The following SMIM28 variants were observed in gnomAD, a reference collection of about 807,000 sequenced individuals.
SMIM28 encodes small integral membrane protein 28.
rs527584571 is a variant in SMIM28 at position 138,382,414 on chromosome 6, A to G, written c.112-86A>G. 1,693 of 341,172 alleles carry G rather than the reference A, an allele frequency of 5.0e-3. 12 individuals carry two copies. The highest frequency in any genetic ancestry group is 0.019 in the East Asian group (460 of 24,380). The allele number at this position is 341,172 out of a possible 1,614,324, so 21.1% of individuals were successfully genotyped here. On this transcript the variant is annotated intron_variant, in intron 1 of 1. Transcript: ENST00000573100. ...TGTGTCTCAAAAAAAAAAAAAAAAA[A>G]AAAGAAAGAAAGAAAGAAAAAAAAA...
chr6:138,382,615 G>GCAAGTCCCCACCGCCC lies in SMIM28; in HGVS notation c.230_245dup (p.Gly83ValfsTer12). The GCAAGTCCCCACCGCCC allele has an allele frequency of 2.5e-6, 1 of 398,820 alleles. No homozygotes were observed. 24.7% of individuals were successfully genotyped at this position (398,820 alleles called of 1,614,324 possible). On this transcript the variant is annotated frameshift_variant, in exon 2 of 2. Transcript: ENST00000573100. LOFTEE classifies it low-confidence loss of function (END_TRUNC). ...CTGCTGCTGTTCCTGTACCGCCGCTGCAAGTCCCCACCGCCCCAGGGGCAG... is the reference window on the plus strand; with the variant it reads ...CTGCTGCTGTTCCTGTACCGCCGCTGCAAGTCCCCACCGCCCCAAGTCCCCACCGCCCCAGGGGCAG...
chr6:138,382,067 G>C (rs1471015747), intron 1 of SMIM28, among the ~76,000 whole-genome samples: 3 of 152,140 alleles, frequency 2.0e-5, no homozygotes, highest in African/African-American at 7.2e-5. Flanking sequence ...ATGGAAAAAA[G>C]AACGAAAGAT....
intron 1 of SMIM28, among the ~76,000 whole-genome samples, chr6:138,382,267 C>T (rs1302102705): frequency 6.6e-6 from 1 of 151,884 alleles, no homozygotes; most frequent in Non-Finnish European, 1.5e-5. Flanking sequence ...CGTGGTGGCG[C>T]ATGCCTGTAA....
chr6:138,380,416 CAT>C (rs1774298076), intron 1 of SMIM28, among the ~76,000 whole-genome samples: 1 of 152,188 alleles, frequency 6.6e-6, no homozygotes, highest in South Asian at 2.1e-4. Flanking sequence ...AAACCACACA[CAT>C]AGTTATAAAG....
At chr6:138,378,918 T>C (rs75193990) in intron 1 of SMIM28, among the ~76,000 whole-genome samples, 7 of 152,300 alleles carry the variant, frequency 4.6e-5, no homozygotes, top group African/African-American at 1.4e-4. Context: ...CATAAATATA[T>C]ATTGATGTGG....
At chr6:138,379,369 G>A (rs1411424283) in intron 1 of SMIM28, among the ~76,000 whole-genome samples, 1 of 152,132 alleles carries the variant, frequency 6.6e-6, no homozygotes, top group Non-Finnish European at 1.5e-5. Context: ...CTAGTATTGA[G>A]AATACCTTAA....
intron 1 of SMIM28, among the ~76,000 whole-genome samples, chr6:138,381,095 G>A: frequency 6.6e-6 from 1 of 151,858 alleles, no homozygotes; most frequent in Non-Finnish European, 1.5e-5. Flanking sequence ...TAGTAGAGAC[G>A]GGGTTTTACC....
intron 1 of SMIM28, among the ~76,000 whole-genome samples, chr6:138,380,145 C>A (rs1027842635): frequency 2.0e-5 from 3 of 152,000 alleles, no homozygotes; most frequent in Non-Finnish European, 2.9e-5. Context: ...TCATGCTAAC[C>A]CTTGAAAACG....
At chr6:138,381,540 TAGGTTGC>T (rs1314505128) in intron 1 of SMIM28, among the ~76,000 whole-genome samples, 5 of 152,214 alleles carry the variant, frequency 3.3e-5, no homozygotes, top group Non-Finnish European at 4.4e-5. Flanking sequence ...CGATACCTTT[TAGGTTGC>T]CCAAGAATTT....
At position 138,383,246 on chromosome 6, in the gene SMIM28, C is replaced by T. The variant is rs1302049113; in HGVS notation, c.*399C>T. 6.6e-6 allele frequency among the ~76,000 whole-genome samples: 1 copy of T among 151,710 alleles called. No homozygotes were observed. Among genetic ancestry groups the T allele is most frequent in the Non-Finnish European group, 1.5e-5 (1 of 67,996 alleles). ...AAAACTCTGGACCAGCCAAAGGTAACTACTTTTGCCACCAAATAGAACTTT... is the reference window on the plus strand; with the variant it reads ...AAAACTCTGGACCAGCCAAAGGTAATTACTTTTGCCACCAAATAGAACTTT... On this transcript the variant is annotated 3_prime_UTR_variant, in exon 2 of 2. Coordinates refer to ENST00000573100, the MANE Select transcript of SMIM28 (RefSeq NM_001368163.3).
In SMIM28 at chr6:138,383,054, C is replaced by A. The variant is rs1265142052; in HGVS notation, c.*207C>A. On this transcript the variant is annotated 3_prime_UTR_variant, in exon 2 of 2. Coordinates refer to ENST00000573100, the MANE Select transcript of SMIM28 (RefSeq NM_001368163.3). ...GCAAATGCCAATCTGGTTAACCTAT[C>A]TTCACATTCCTTAGGGGAAAGTTTC... The A allele has an allele frequency of 5.3e-6, 2 of 374,214 alleles. No individual in the cohort carries two copies. The highest frequency in any genetic ancestry group is 4.6e-5 in the Admixed American group (1 of 21,946). The allele number at this position is 374,214 out of a possible 1,614,324, so 23.2% of individuals were successfully genotyped here.
rs997642713 is a variant in SMIM28 at position 138,378,162 on chromosome 6, T to G, written c.90T>G (p.Pro30=). ...YEWLTSEPGL[P]LLETQLQGTQ... ...GGTTAACCAGCGAGCCCGGCCTGCC[T>G]CTCCTGGAGACCCAGCTGCAGGTCT... is the stretch of plus-strand genomic sequence containing the variant. The change falls in exon 1 of 2, where the codon CCT becomes CCG. Residue 30 remains proline (P), a synonymous_variant. Transcript: ENST00000573100. The G allele has an allele frequency of 1.2e-4, 48 of 398,534 alleles. No homozygotes were observed. Among genetic ancestry groups the G allele is most frequent in the Non-Finnish European group, 1.9e-4 (44 of 226,106 alleles). 24.7% of individuals were successfully genotyped at this position (398,534 alleles called of 1,614,324 possible).
At chr6:138,378,705 A>G (rs371859218) in intron 1 of SMIM28, among the ~76,000 whole-genome samples, 13 of 152,350 alleles carry the variant, frequency 8.5e-5, no homozygotes, top group East Asian at 7.7e-4. Flanking sequence ...TCACCAGTGC[A>G]GTCTCCGTAG....
rs1236144016 is a variant in SMIM28, at chr6:138,382,988, A to G, written c.*141A>G. 7 of 395,446 alleles carry G rather than the reference A, an allele frequency of 1.8e-5. No homozygotes were observed. The highest frequency in any genetic ancestry group is 3.1e-5 in the Non-Finnish European group (7 of 224,782). 24.5% of individuals were successfully genotyped at this position (395,446 alleles called of 1,614,324 possible). A position where few individuals can be genotyped will look rare whatever the true frequency, so the allele number is the denominator to read the frequency against. On this transcript the variant is annotated 3_prime_UTR_variant, in exon 2 of 2. Coordinates refer to ENST00000573100, the MANE Select transcript of SMIM28 (RefSeq NM_001368163.3). ...CCAAGAAGCTGCTATTCATTGGCCA[A>G]CCTCTGACAATGGGGCACTTCAGGC...
intron 1 of SMIM28, among the ~76,000 whole-genome samples, chr6:138,381,094 C>T (rs1270632637): frequency 4.0e-5 from 6 of 151,848 alleles, no homozygotes; most frequent in Non-Finnish European, 5.9e-5. Context: ...TTAGTAGAGA[C>T]GGGGTTTTAC....
intron 1 of SMIM28, among the ~76,000 whole-genome samples, chr6:138,379,685 C>A (rs59204400): frequency 6.6e-6 from 1 of 151,904 alleles, no homozygotes; most frequent in Non-Finnish European, 1.5e-5. Context: ...AATGTTAAAA[C>A]TTTTTTGGTG....
chr6:138,382,415 A>AC, intron 1 of SMIM28, 85 bp from the exon 2 acceptor site: 1 of 354,642 alleles, frequency 2.8e-6, no homozygotes, highest in African/African-American at 2.6e-5. Flanking sequence ...AAAAAAAAAA[A>AC]AAGAAAGAAA....
At position 138,382,890 on chromosome 6, in the gene SMIM28, T is replaced by C. The variant is rs1267040980; in HGVS notation, c.*43T>C. The C allele has an allele frequency of 2.5e-6, 1 of 398,338 alleles. No homozygotes were observed. Among genetic ancestry groups the C allele is most frequent in the Non-Finnish European group, 4.4e-6 (1 of 226,100 alleles). 24.7% of individuals were successfully genotyped at this position (398,338 alleles called of 1,614,324 possible). A position where few individuals can be genotyped will look rare whatever the true frequency, so the allele number is the denominator to read the frequency against. On this transcript the variant is annotated 3_prime_UTR_variant, in exon 2 of 2. Transcript: ENST00000573100. ...TGGAAGAGCAAAAATAAACTGCTCTTGGGAATCATACAAAACACAGCTCTC... is the reference window on the plus strand; with the variant it reads ...TGGAAGAGCAAAAATAAACTGCTCTCGGGAATCATACAAAACACAGCTCTC...
Position 138,377,924 on chromosome 6 carries a change from T to C in SMIM28, c.-149T>C. 1 of 395,454 alleles carries C rather than the reference T, an allele frequency of 2.5e-6. No individual in the cohort carries two copies. Among genetic ancestry groups the C allele is most frequent in the Non-Finnish European group, 4.5e-6 (1 of 224,634 alleles). 24.5% of individuals were successfully genotyped at this position (395,454 alleles called of 1,614,324 possible). On this transcript the variant is annotated 5_prime_UTR_variant, in exon 1 of 2. Transcript: ENST00000573100. ...CTGAGAGGTCTCTCTGGTTGGTTTC[T>C]TTCCCCTGTTGCCATTCATCAGAGG...
Sources: allele counts gnomAD v4.1 joint callset (sites outside exome capture counted in the v4.1 genomes callset), GRCh38; gene constraint gnomAD v4.1.1; transcripts MANE v1.5; gene names NCBI Gene and HGNC (gene_info 2026-07-23, HGNC 2026-07-21).